WWOX: variants seen among roughly 807,000 people sequenced by gnomAD.
WWOX encodes the protein WW domain-containing oxidoreductase.
Under a neutral mutation model 46.2 loss-of-function variants are expected in WWOX, and 69 were observed. The ratio of observed to expected loss-of-function variants is 1.49; its 90% confidence interval spans 1.23 to 1.82. WWOX has a LOEUF of 1.82. WWOX is among the 40% of genes most tolerant of loss of function. The pLI is 0.00. For missense variants in WWOX, 919 were observed against 542.6 expected, an observed-to-expected ratio of 1.69 and a Z score of -6.89; for synonymous variants, 359 against 202.6, an observed-to-expected ratio of 1.77 and a Z score of -6.56.
At chr16:78,460,142 C>G (rs1379339301) in intron 8 of WWOX, among the ~76,000 whole-genome samples, 2 of 151,198 alleles carry the variant, frequency 1.3e-5, no homozygotes, top group African/African-American at 4.9e-5. Context: ...CCTCCCTTCC[C>G]CACCCTAAAG....
At chr16:78,440,772 C>G (rs769900346) in intron 8 of WWOX, among the ~76,000 whole-genome samples, 21 of 152,062 alleles carry the variant, frequency 1.4e-4, no homozygotes, top group Non-Finnish European at 2.9e-4. Flanking sequence ...GCACTGGCCA[C>G]CAAACCCAGC....
intron 8 of WWOX, among the ~76,000 whole-genome samples, chr16:78,443,757 C>T (rs1191745611): frequency 6.6e-6 from 1 of 152,120 alleles, no homozygotes; most frequent in African/African-American, 2.4e-5. Flanking sequence ...TAATGTGCTG[C>T]CTCTTTATAA....
At chr16:78,252,923 C>A (rs1195165873) in intron 5 of WWOX, among the ~76,000 whole-genome samples, 1 of 152,114 alleles carries the variant, frequency 6.6e-6, no homozygotes, top group Non-Finnish European at 1.5e-5. Context: ...AAAATTACAC[C>A]ATTTGTTTAA....
intron 8 of WWOX, among the ~76,000 whole-genome samples, chr16:78,738,132 G>T (rs1253905616): frequency 6.6e-6 from 1 of 152,116 alleles, no homozygotes; most frequent in Admixed American, 6.5e-5. Flanking sequence ...GTTCAATTAG[G>T]TAAAGTGACA....
intron 5 of WWOX, among the ~76,000 whole-genome samples, chr16:78,249,336 C>T (rs1034888199): frequency 6.6e-6 from 1 of 152,202 alleles, no homozygotes; most frequent in Non-Finnish European, 1.5e-5. Context: ...CCTTTTCCTC[C>T]AGGGACTCCT....
At chr16:78,937,598 G>T (rs1159962027) in intron 8 of WWOX, among the ~76,000 whole-genome samples, 1 of 131,544 alleles carries the variant, frequency 7.6e-6, no homozygotes, top group South Asian at 2.4e-4. Context: ...CCCAGCTATA[G>T]AGCTTTATTT....
Position 78,231,323 on chromosome 16 carries a change from A to G in WWOX, c.516+67034A>G, listed in dbSNP as rs571209070. Reference sequence around the variant, plus strand: ...TTTCACAGTGTCCATAAAAAAATGTATATTACTATGCATTGCACATTTGCC... The same window carrying G: ...TTTCACAGTGTCCATAAAAAAATGTGTATTACTATGCATTGCACATTTGCC... On this transcript the variant is annotated intron_variant, in intron 5 of 8. Coordinates refer to ENST00000566780, the MANE Select transcript of WWOX (RefSeq NM_016373.4). 4.9e-4 allele frequency among the ~76,000 whole-genome samples: 75 copies of G among 152,356 alleles called. 1 individual carries two copies. The highest frequency in any genetic ancestry group is 1.2e-3 in the African/African-American group (50 of 41,576).
intron 8 of WWOX, among the ~76,000 whole-genome samples, chr16:79,103,272 A>T (rs1277579718): frequency 6.6e-6 from 1 of 152,084 alleles, no homozygotes; most frequent in Admixed American, 6.5e-5. Context: ...GGCATCTATT[A>T]ATTTATGTAT....
intron 8 of WWOX, among the ~76,000 whole-genome samples, chr16:79,003,529 G>A (rs113221145): frequency 0.025 from 3,773 of 152,296 alleles, 61 homozygotes; most frequent in Middle Eastern, 0.044. Context: ...GGTTTGGCTG[G>A]TTGAGTCTCC....
chr16:78,955,334 G>A (rs185042829), intron 8 of WWOX, among the ~76,000 whole-genome samples: 4 of 152,276 alleles, frequency 2.6e-5, no homozygotes, highest in Non-Finnish European at 4.4e-5. Flanking sequence ...AGTGAAATCC[G>A]TTGAGAGGAG....
At chr16:78,626,019 A>G (rs566998957) in intron 8 of WWOX, among the ~76,000 whole-genome samples, 1 of 151,814 alleles carries the variant, frequency 6.6e-6, no homozygotes, top group Non-Finnish European at 1.5e-5. Context: ...CCAACCTAAT[A>G]TTGTTATTAA....
intron 8 of WWOX, among the ~76,000 whole-genome samples, chr16:79,137,158 A>G (rs889078690): frequency 6.6e-6 from 1 of 152,220 alleles, no homozygotes; most frequent in South Asian, 2.1e-4. Flanking sequence ...TAGCAGGCAC[A>G]TGCAACGTCC....
In WWOX at chr16:78,671,246, G is replaced by A. The variant is rs569517508; in HGVS notation, c.1056+238494G>A. Among the ~76,000 whole-genome samples the A allele has an allele frequency of 8.5e-5, 13 of 152,140 alleles. No homozygotes were observed. In the South Asian group the frequency reaches 1.5e-3, roughly 17 times the overall value. ...GAGACCAGCCTGGGCAACAAGGCGA[G>A]ACCCCGTCTCTACAAAAAATACCAA... On this transcript the variant is annotated intron_variant, in intron 8 of 8. Coordinates refer to ENST00000566780, the MANE Select transcript of WWOX (RefSeq NM_016373.4).
At chr16:78,159,044 C>G (rs772886819) in intron 4 of WWOX, among the ~76,000 whole-genome samples, 1 of 152,134 alleles carries the variant, frequency 6.6e-6, no homozygotes, top group Admixed American at 6.5e-5. Context: ...CCTTCTGTGT[C>G]TGGCTTATTT....
chr16:78,855,994 G>T (rs1201921791), intron 8 of WWOX, among the ~76,000 whole-genome samples: 1 of 152,168 alleles, frequency 6.6e-6, no homozygotes, highest in Non-Finnish European at 1.5e-5. Context: ...TACCCAAGAA[G>T]GAGGTGACTA....
intron 8 of WWOX, chr16:78,996,206 T>G (rs1300123830): frequency 1.0e-6 from 1 of 985,038 alleles, no homozygotes; most frequent in African/African-American, 1.7e-5. Flanking sequence ...ATTTAGAAAT[T>G]TTTGAAGACT....
chr16:78,908,271 G>A (rs747374508), intron 8 of WWOX, among the ~76,000 whole-genome samples: 1 of 152,116 alleles, frequency 6.6e-6, no homozygotes, highest in Non-Finnish European at 1.5e-5. Flanking sequence ...CAGGCACGGT[G>A]GCTCATGCCT....
chr16:78,389,563 T>C (rs1252620940), intron 6 of WWOX, among the ~76,000 whole-genome samples: 1 of 152,178 alleles, frequency 6.6e-6, no homozygotes, highest in Non-Finnish European at 1.5e-5. Flanking sequence ...ATGTATGTTT[T>C]GATTCAATTC....
chr16:78,309,535 T>C (rs149197642), intron 5 of WWOX, among the ~76,000 whole-genome samples: 53 of 152,298 alleles, frequency 3.5e-4, no homozygotes, highest in African/African-American at 1.3e-3. Flanking sequence ...TCCTTACATA[T>C]ATTGATAGAA....
Sources: gnomAD v4.1 joint callset for allele counts (sites outside exome capture counted in the v4.1 genomes callset) on GRCh38, gnomAD v4.1.1 for gene constraint, MANE v1.5 for transcripts, NCBI Gene and HGNC (gene_info 2026-07-23, HGNC 2026-07-21) for gene names.